Variants in KIF20B observed in about 807,000 individuals in gnomAD.
The protein encoded by KIF20B is kinesin-like protein KIF20B.
A neutral mutation model predicts 232.5 loss-of-function variants in KIF20B; 188 were observed. The ratio of observed to expected loss-of-function variants is 0.81; its 90% CI spans 0.72 to 0.91. The LOEUF is 0.91. KIF20B is among the 40% of genes least tolerant of loss of function. The pLI is 0.00. For synonymous variants in KIF20B, 712 were observed against 683.0 expected, an observed-to-expected ratio of 1.04 and a Z score of -0.66; for missense variants, 2,154 against 2,055.9, an observed-to-expected ratio of 1.05 and a Z score of -0.92.
intron 4 of KIF20B, 28 bp from the exon 5 acceptor site, chr10:89,709,899 A>G: frequency 1.3e-6 from 2 of 1,551,716 alleles, no homozygotes; most frequent in East Asian, 2.3e-5. Flanking sequence ...AATTTTCTAA[A>G]AAGAGTTTTT....
intron 21 of KIF20B, among the ~76,000 whole-genome samples, chr10:89,741,445 A>C (rs1841792077): frequency 6.6e-6 from 1 of 152,226 alleles, no homozygotes. Context: ...ACTATTTAAC[A>C]TTACTCTAAT....
In KIF20B at chr10:89,762,823, T is replaced by C. The variant is rs1249725126; in HGVS notation, c.4977T>C (p.Asn1659=). ...CCAAGGCTCGGAAGAGGAAGAGTAATGAAATGGAGGAGGTAAATACTTAAG... is the reference window on the plus strand; with the variant it reads ...CCAAGGCTCGGAAGAGGAAGAGTAACGAAATGGAGGAGGTAAATACTTAAG... ...KIPKARKRKS[N]EMEEDLVKCE... Residue 1659 remains asparagine (N), a synonymous_variant, in exon 29 of 33, where the codon AAT becomes AAC. Transcript: ENST00000371728. 6.2e-7 allele frequency: 1 copy of C among 1,606,318 alleles called. No homozygotes were observed. The highest frequency in any genetic ancestry group is 1.7e-5 in the Admixed American group (1 of 59,886).
In KIF20B at chr10:89,732,357, G is replaced by A. The variant is rs549402195; in HGVS notation, c.2392-546G>A. Among the ~76,000 whole-genome samples the A allele has an allele frequency of 2.6e-5, 4 of 152,070 alleles. No individual in the cohort carries two copies. In the East Asian group the frequency reaches 7.7e-4, roughly 29 times the overall value. ...AGGCTGGTCTCAAACTCCTGGGCTT[G>A]AGTAATCCTCCGGCCTCAGCCTCCC... On this transcript the variant is annotated intron_variant, in intron 18 of 32. Coordinates refer to ENST00000371728, the MANE Select transcript of KIF20B (RefSeq NM_001284259.2).
chr10:89,728,986 T>C, intron 17 of KIF20B, 142 bp from the exon 18 acceptor site: 1 of 667,818 alleles, frequency 1.5e-6, no homozygotes, highest in Non-Finnish European at 2.2e-6. Context: ...GATCATGCTG[T>C]GCATAGTGTG....
chr10:89,754,659 C>T lies in KIF20B; in HGVS notation c.4489C>T (p.Gln1497Ter). ...TGAGGACAGGGAGCGTTTTTTTAAG[C>T]AACAGAATGAAATGGTTAGTAACAA... ...YAEDRERFFK[Q>*]QNEMEILTAQ... Residue 1497 changes from glutamine (Q) to a stop codon, truncating the protein, a stop_gained, in exon 26 of 33, where the codon CAA becomes TAA. Coordinates refer to ENST00000371728, the MANE Select transcript of KIF20B (RefSeq NM_001284259.2). LOFTEE classifies it high-confidence loss of function. The T allele has an allele frequency of 6.4e-7, 1 of 1,569,192 alleles. No homozygotes were observed. The highest frequency in any genetic ancestry group is 8.6e-7 in the Non-Finnish European group (1 of 1,159,846).
Position 89,716,511 on chromosome 10 carries a change from T to C in KIF20B, c.1016T>C (p.Val339Ala). 1 of 1,590,504 alleles carries C rather than the reference T, an allele frequency of 6.3e-7. No homozygotes were observed. Among genetic ancestry groups the C allele is most frequent in the Non-Finnish European group, 8.6e-7 (1 of 1,165,082 alleles). ...AAACTAGGAATAAAGCACCAGAGTG[T>C]TGCCTTCACAAAATTGAATAATGCT... ...LLKLGIKHQS[V>A]AFTKLNNASS... Residue 339 changes from valine (V) to alanine (A), a missense_variant, in exon 9 of 33, where the codon GTT becomes GCT. Coordinates refer to ENST00000371728, the MANE Select transcript of KIF20B (RefSeq NM_001284259.2).
chr10:89,744,346 G>A (rs1444034413), intron 22 of KIF20B, among the ~76,000 whole-genome samples: 4 of 152,098 alleles, frequency 2.6e-5, no homozygotes, highest in Non-Finnish European at 5.9e-5. Context: ...AAACCCAAAT[G>A]GAGGATGTTA....
intron 26 of KIF20B, among the ~76,000 whole-genome samples, chr10:89,755,021 CA>C (rs1379279328): frequency 6.6e-6 from 1 of 152,152 alleles, no homozygotes; most frequent in Non-Finnish European, 1.5e-5. Flanking sequence ...TACATTTTAT[CA>C]CATAAAGTCA....
chr10:89,765,239 C>T (rs557812448), intron 29 of KIF20B, among the ~76,000 whole-genome samples: 1 of 152,204 alleles, frequency 6.6e-6, no homozygotes, highest in Admixed American at 6.6e-5. Flanking sequence ...TTCTTATACA[C>T]CAATAACAGA....
chr10:89,745,540 T>C (rs965821596), intron 22 of KIF20B, among the ~76,000 whole-genome samples: 16 of 151,794 alleles, frequency 1.1e-4, no homozygotes, highest in Non-Finnish European at 1.5e-4. Context: ...AACAAATAAA[T>C]AAATAAATAA....
chr10:89,764,439 A>G (rs967843164), intron 29 of KIF20B, among the ~76,000 whole-genome samples: 11 of 152,144 alleles, frequency 7.2e-5, no homozygotes, highest in African/African-American at 2.7e-4. Flanking sequence ...GTCAAATGGT[A>G]TTTCTAGTTC....
intron 26 of KIF20B, among the ~76,000 whole-genome samples, chr10:89,757,040 G>GTGTGTGTGTATATATA (rs1301847520): frequency 3.3e-4 from 37 of 110,742 alleles, no homozygotes; most frequent in African/African-American, 1.1e-3. Context: ...GTGTGTGTGT[G>GTGTGTGTGTATATATA]TATATATATA....
intron 29 of KIF20B, among the ~76,000 whole-genome samples, chr10:89,764,821 G>A (rs1299239632): frequency 2.6e-5 from 4 of 151,888 alleles, no homozygotes; most frequent in Admixed American, 6.6e-5. Context: ...AGTAGGTTGC[G>A]AAAATTTTCT....
At chr10:89,727,694 A>AT (rs908093251) in intron 16 of KIF20B, among the ~76,000 whole-genome samples, 162 bp from the exon 17 acceptor site, 6 of 150,892 alleles carry the variant, frequency 4.0e-5, no homozygotes, top group East Asian at 1.9e-4. Context: ...GAATTAGCAG[A>AT]TTTTTTTTTA....
At chr10:89,727,538 C>G (rs1197144924) in intron 16 of KIF20B, among the ~76,000 whole-genome samples, 1 of 152,138 alleles carries the variant, frequency 6.6e-6, no homozygotes, top group Non-Finnish European at 1.5e-5. Context: ...GTAAGTGGTG[C>G]CTTTGCATTA....
At chr10:89,763,730 G>C (rs1436237942) in intron 29 of KIF20B, among the ~76,000 whole-genome samples, 1 of 151,872 alleles carries the variant, frequency 6.6e-6, no homozygotes, top group Admixed American at 6.6e-5. Flanking sequence ...TGAGGTTTCT[G>C]ATCCTGTTTT....
chr10:89,729,105 A>G, intron 17 of KIF20B, 23 bp from the exon 18 acceptor site: 1 of 1,351,704 alleles, frequency 7.4e-7, no homozygotes, highest in Non-Finnish European at 9.9e-7. Flanking sequence ...TTCATGAAAC[A>G]TTGCTTTTTC....
intron 29 of KIF20B, among the ~76,000 whole-genome samples, chr10:89,763,884 A>G (rs999094511): frequency 6.5e-5 from 9 of 138,020 alleles, no homozygotes; most frequent in Non-Finnish European, 1.1e-4. Context: ...TTATTTATAT[A>G]TTTTTATTTA....
At chr10:89,773,939 G>A in intron 32 of KIF20B, 32 bp from the exon 33 acceptor site, 1 of 1,285,450 alleles carries the variant, frequency 7.8e-7, no homozygotes, top group Non-Finnish European at 1.1e-6. Context: ...TCACTTACAA[G>A]CTTTGAAAAA....
Sources: allele counts gnomAD v4.1 joint callset (sites outside exome capture counted in the v4.1 genomes callset), GRCh38; gene constraint gnomAD v4.1.1; transcripts MANE v1.5; gene names NCBI Gene and HGNC (gene_info 2026-07-23, HGNC 2026-07-21).